Variants in RSPO1 observed in about 807,000 individuals in gnomAD.
RSPO1 encodes the protein R-spondin 1.
In RSPO1, 18 loss-of-function variants were observed where a neutral mutation model predicts 26.0. The observed-to-expected ratio is 0.69, with a 90% CI of 0.48 to 1.03. The LOEUF (loss-of-function observed/expected upper bound fraction) is 1.03, where lower values mean the gene tolerates loss of function less well. Ranked by LOEUF, RSPO1 falls within the 50% of genes least tolerant of loss-of-function variation. The pLI, the probability that RSPO1 is intolerant of heterozygous loss-of-function variation, is 0.00. For synonymous variants in RSPO1, 133 were observed against 137.4 expected (o/e 0.97, Z 0.22); for missense variants, 309 against 352.3 (o/e 0.88, Z 0.98).
intron 4 of RSPO1, among the ~76,000 whole-genome samples, 177 bp downstream of exon 4, chr1:37,616,307 G>T (rs1266901533): frequency 6.6e-6 from 1 of 152,106 alleles, no homozygotes; most frequent in Non-Finnish European, 1.5e-5. Flanking sequence ...AGGAGACAGG[G>T]TTCTGATATT....
intron 3 of RSPO1, among the ~76,000 whole-genome samples, chr1:37,620,326 A>C (rs372900187): frequency 6.6e-6 from 1 of 152,144 alleles, no homozygotes; most frequent in South Asian, 2.1e-4. Context: ...CAGCCTGGGC[A>C]ACATAGGGAG....
chr1:37,616,765 T>C (rs1295837706), intron 3 of RSPO1, 90 bp from the exon 4 acceptor site: 3 of 1,213,604 alleles, frequency 2.5e-6, no homozygotes, highest in South Asian at 2.4e-5. Flanking sequence ...AATAGATCGA[T>C]GTTTCCTTCC....
chr1:37,613,137 A>G lies in RSPO1; in HGVS notation c.626-216T>C, dbSNP rs1406582834. 6.6e-6 allele frequency among the ~76,000 whole-genome samples: 1 copy of G among 152,148 alleles called. No homozygotes were observed. The highest frequency in any genetic ancestry group is 1.5e-5 in the Non-Finnish European group (1 of 68,022). ...CTTGAGTACTGGGAGGCAGCCCAAG[A>G]GCCCTTTCACTCCCCAACCCTCAAG... On this transcript the variant is annotated intron_variant, in intron 6 of 6. Transcript: ENST00000356545. The surrounding 1 kb of genome is among the most constrained non-coding windows in gnomAD (Gnocchi z 4.5).
At chr1:37,617,688 AAG>A (rs1553120746) in intron 3 of RSPO1, among the ~76,000 whole-genome samples, 1 of 136,536 alleles carries the variant, frequency 7.3e-6, no homozygotes, top group Non-Finnish European at 1.6e-5. Flanking sequence ...AAAAAAAAAA[AAG>A]AGAGAACCAT....
chr1:37,630,039 C>A, intron 2 of RSPO1, 90 bp from the exon 3 acceptor site: 1 of 671,868 alleles, frequency 1.5e-6, no homozygotes. Context: ...ACTGGGAGCT[C>A]AAAATGTTTG....
intron 2 of RSPO1, among the ~76,000 whole-genome samples, chr1:37,630,472 C>T (rs1034065079): frequency 2.6e-5 from 4 of 152,202 alleles, no homozygotes; most frequent in Non-Finnish European, 2.9e-5. Context: ...CTGGGCTTGG[C>T]GGGAGAAAAG....
intron 3 of RSPO1, among the ~76,000 whole-genome samples, chr1:37,625,350 C>G (rs1027777876): frequency 6.6e-6 from 1 of 151,974 alleles, no homozygotes; most frequent in African/African-American, 2.4e-5. Flanking sequence ...AGTGGAGGGA[C>G]CAGGATGGAA....
At chr1:37,622,158 T>A (rs937376233) in intron 3 of RSPO1, among the ~76,000 whole-genome samples, 1 of 152,144 alleles carries the variant, frequency 6.6e-6, no homozygotes, top group Non-Finnish European at 1.5e-5. Context: ...GTATATAGCA[T>A]CATGGGAGCC....
Position 37,612,080 on chromosome 1 carries a change from T to C in RSPO1, c.*675A>G, listed in dbSNP as rs940497726. On this transcript the variant is annotated 3_prime_UTR_variant, in exon 7 of 7. Transcript: ENST00000356545. ...CTTGAAATTCCCTGTCCCTTCTTGC[T>C]CCTACGCATACCTCGCCAAACCCTC... The C allele has an allele frequency of 6.5e-6, 1 of 153,144 alleles. No individual in the cohort carries two copies. Among genetic ancestry groups the C allele is most frequent in the African/African-American group, 2.4e-5 (1 of 41,462 alleles). 9.5% of individuals were successfully genotyped at this position (153,144 alleles called of 1,614,324 possible).
At position 37,629,704 on chromosome 1, in the gene RSPO1, C is replaced by T. The variant is rs778833441; in HGVS notation, c.-43G>A. 1.6e-5 allele frequency: 25 copies of T among 1,610,472 alleles called. No homozygotes were observed. The highest frequency in any genetic ancestry group is 6.6e-5 in the South Asian group (6 of 90,502). ...AGGCCCCTGGTCGGAGGGGTGGTCT[C>T]GGGGAGGGTGGATAGCACACGGCTC... is the stretch of plus-strand genomic sequence containing the variant. On this transcript the variant is annotated 5_prime_UTR_variant, in exon 3 of 7. Coordinates refer to ENST00000356545, the MANE Select transcript of RSPO1 (RefSeq NM_001242908.2).
At chr1:37,628,840 C>G (rs61776212) in intron 3 of RSPO1, among the ~76,000 whole-genome samples, 34,322 of 152,210 alleles carry the variant, frequency 0.23, 4,135 homozygotes, top group Middle Eastern at 0.3. Flanking sequence ...TTCTTAGCAT[C>G]TGTACAATGA....
At position 37,629,640 on chromosome 1, in the gene RSPO1, C is replaced by T; in HGVS notation, c.22G>A (p.Val8Met). 1 of 1,614,134 alleles carries T rather than the reference C, an allele frequency of 6.2e-7. No individual in the cohort carries two copies. The highest frequency in any genetic ancestry group is 1.1e-5 in the South Asian group (1 of 91,072). ...TGCGTCCAGCTCAGAACCAGGGCCA[C>T]CACACACAGCCCAAGCCGCATAGTC... is the stretch of plus-strand genomic sequence containing the variant. MRLGLCV[V>M]ALVLSWTHLT... The change falls in exon 3 of 7, where the codon GTG becomes ATG. Residue 8 changes from valine (V) to methionine (M), a missense_variant. Physicochemically the swap from Val to Met is conservative, Grantham distance 21. Coordinates refer to ENST00000356545, the MANE Select transcript of RSPO1 (RefSeq NM_001242908.2).
intron 3 of RSPO1, among the ~76,000 whole-genome samples, chr1:37,623,370 G>A (rs1032555323): frequency 1.3e-5 from 2 of 152,128 alleles, no homozygotes; most frequent in Non-Finnish European, 2.9e-5. Context: ...GATATTTACT[G>A]CACACCTCAC....
At position 37,614,307 on chromosome 1, in the gene RSPO1, A is replaced by G. The variant is rs1177206132; in HGVS notation, c.313T>C (p.Cys105Arg). Residue 105 changes from cysteine to arginine, a missense_variant, in exon 5 of 7, where the codon TGC becomes CGC. Transcript: ENST00000356545. ...TTGGTGCAGAAGTTATGGCTGAAGCAGGCCTCACAGTGCTCGATCTTGCAT... is the reference window on the plus strand; with the variant it reads ...TTGGTGCAGAAGTTATGGCTGAAGCGGGCCTCACAGTGCTCGATCTTGCAT... ...IKCKIEHCEA[C>R]FSHNFCTKCK... 16 of 1,613,724 alleles carry G rather than the reference A, an allele frequency of 9.9e-6. No individual in the cohort carries two copies. The highest frequency in any genetic ancestry group is 2.7e-5 in the African/African-American group (2 of 74,918).
At chr1:37,614,406 A>C (rs1570095882) in intron 4 of RSPO1, 73 bp from the exon 5 acceptor site, 1 of 1,562,302 alleles carries the variant, frequency 6.4e-7, no homozygotes, top group Non-Finnish European at 8.8e-7. Flanking sequence ...CAGCCCCAAT[A>C]CCCTCCCTTC....
rs1479926488 is a variant in RSPO1, at chr1:37,614,272, C to T, written c.348G>A (p.Glu116=). The T allele has an allele frequency of 1.2e-6, 2 of 1,613,776 alleles. No homozygotes were observed. Among genetic ancestry groups the T allele is most frequent in the African/African-American group, 1.3e-5 (1 of 74,908 alleles). Reference sequence around the variant, plus strand: ...AGCGGCCCTTGTGCAGGTACAAGCCCTCCTTACACTTGGTGCAGAAGTTAT... The same window carrying T: ...AGCGGCCCTTGTGCAGGTACAAGCCTTCCTTACACTTGGTGCAGAAGTTAT... ...FSHNFCTKCK[E]GLYLHKGRCY... is the part of the protein sequence containing the mutation. Residue 116 remains glutamate, a synonymous_variant, in exon 5 of 7, where the codon GAG becomes GAA. Coordinates refer to ENST00000356545, the MANE Select transcript of RSPO1 (RefSeq NM_001242908.2).
chr1:37,617,401 G>A (rs909375323), intron 3 of RSPO1, among the ~76,000 whole-genome samples: 4 of 152,148 alleles, frequency 2.6e-5, no homozygotes, highest in Admixed American at 2.0e-4. Context: ...ACTCACGCCT[G>A]TAATCCCAGC....
chr1:37,632,789 T>G (rs1644378625), intron 1 of RSPO1, among the ~76,000 whole-genome samples: 1 of 152,202 alleles, frequency 6.6e-6, no homozygotes, highest in Non-Finnish European at 1.5e-5. Flanking sequence ...TGACCCCATA[T>G]GCGCACACAC....
chr1:37,615,274 G>A (rs1246957543), intron 4 of RSPO1, among the ~76,000 whole-genome samples: 1 of 152,134 alleles, frequency 6.6e-6, no homozygotes, highest in Non-Finnish European at 1.5e-5. Context: ...CCTCCCTGGT[G>A]CTCTGATTCC....
Sources: gnomAD v4.1 joint callset for allele counts (sites outside exome capture counted in the v4.1 genomes callset) on GRCh38, gnomAD v4.1.1 for gene constraint, Gnocchi (gnomAD v3.1) non-coding constraint, MANE v1.5 for transcripts, NCBI Gene and HGNC (gene_info 2026-07-23, HGNC 2026-07-21) for gene names.